Variants in DNAH2 observed in about 807,000 individuals in gnomAD.
DNAH2 encodes the protein dynein axonemal heavy chain 2, also known as axonemal beta dynein heavy chain 2.
In DNAH2, 323 loss-of-function variants were observed where a neutral mutation model predicts 523.5. That is an observed-to-expected ratio of 0.62 (90% confidence interval 0.56 to 0.68). DNAH2 has a LOEUF of 0.68. Ranked by LOEUF, DNAH2 falls within the 30% of genes least tolerant of loss-of-function variation. The pLI is 0.00. For synonymous variants in DNAH2, 2,093 were observed against 2,177.4 expected, an observed-to-expected ratio of 0.96 and a Z score of 1.08; for missense variants, 4,907 against 5,701.5, an observed-to-expected ratio of 0.86 and a Z score of 4.49.
At chr17:7,802,254 CTCTG>C (rs1374998997) in intron 58 of DNAH2, among the ~76,000 whole-genome samples, 1 of 152,222 alleles carries the variant, frequency 6.6e-6, no homozygotes, top group African/African-American at 2.4e-5. Flanking sequence ...CATGAAGTTT[CTCTG>C]TCTTTTTCTG....
rs774750190 is a variant in DNAH2 at position 7,759,850 on chromosome 17, C to A, written c.2697C>A (p.His899Gln). The A allele has an allele frequency of 1.2e-6, 2 of 1,614,220 alleles. No individual in the cohort carries two copies. The highest frequency in any genetic ancestry group is 3.3e-5 in the Admixed American group (2 of 60,014). The change falls in exon 17 of 86, where the codon CAC becomes CAA. Residue 899 changes from histidine (H) to glutamine (Q), a missense_variant. His to Gln is a conservative substitution (Grantham distance 24). Transcript: ENST00000572933. Reference sequence around the variant, plus strand: ...GTGTGGTCAATGACATTGGCAACCACCTCTTTTCCACCATCTCTGTCTTCT... The same window carrying A: ...GTGTGGTCAATGACATTGGCAACCAACTCTTTTCCACCATCTCTGTCTTCT... Reference protein sequence around the residue: ...LAGVVNDIGNHLFSTISVFCH... With the variant: ...LAGVVNDIGNQLFSTISVFCH...
rs2075337853 is a variant in DNAH2, at chr17:7,741,323, C to CTCTCTCCCTCCCTCCT, written c.1689+333_1689+334insTCTCCCTCCCTCCTTC. ...CTTCCTTCCCTCCCTCCCTCCCTCC[C>CTCTCTCCCTCCCTCCT]TCCTTCCTTCCTTCCTTCCTTCCTT... On this transcript the variant is annotated intron_variant, in intron 11 of 85. Coordinates refer to ENST00000572933, the MANE Select transcript of DNAH2 (RefSeq NM_020877.5). 3.4e-5 allele frequency among the ~76,000 whole-genome samples: 2 copies of CTCTCTCCCTCCCTCCT among 59,308 alleles called. 1 individual carries two copies. Among genetic ancestry groups the CTCTCTCCCTCCCTCCT allele is most frequent in the Non-Finnish European group, 5.8e-5 (2 of 34,624 alleles). 38.9% of individuals were successfully genotyped at this position (59,308 alleles called of 152,430 possible).
At chr17:7,743,378 A>C (rs1464138273) in intron 12 of DNAH2, 2 of 707,268 alleles carry the variant, frequency 2.8e-6, no homozygotes. Context: ...AAACAAAACA[A>C]TGATCGGCCA....
intron 36 of DNAH2, 123 bp downstream of exon 36, chr17:7,779,546 A>G: frequency 9.4e-7 from 1 of 1,062,666 alleles, no homozygotes; most frequent in South Asian, 1.6e-5. Context: ...AAGTCTGGCT[A>G]AAGATAGCAA....
Position 7,734,590 on chromosome 17 carries a change from A to G in DNAH2, c.860A>G (p.Asp287Gly). 6.2e-7 allele frequency: 1 copy of G among 1,613,624 alleles called. No homozygotes were observed. The highest frequency in any genetic ancestry group is 8.5e-7 in the Non-Finnish European group (1 of 1,179,948). ...EIEFWRNRCM[D>G]LSGISKQLVK... Reference sequence around the variant, plus strand: ...GAGTTCTGGCGCAACCGATGCATGGACCTGTCTGGCATCAGTAAGCAGCTG... The same window carrying G: ...GAGTTCTGGCGCAACCGATGCATGGGCCTGTCTGGCATCAGTAAGCAGCTG... Residue 287 changes from aspartate (D) to glycine (G), a missense_variant, in exon 7 of 86, where the codon GAC becomes GGC. Physicochemically the swap from Asp to Gly is moderately conservative, Grantham distance 94. Around this residue, in one of 3 missense-constraint regions of DNAH2, gnomAD observed 2,806 missense variants for 3,190.8 expected, o/e 0.88. Coordinates refer to ENST00000572933, the MANE Select transcript of DNAH2 (RefSeq NM_020877.5).
chr17:7,828,591 C>A lies in DNAH2; in HGVS notation c.11854-1709C>A, dbSNP rs529814943. ...ATTTATTATTTATTTTAATAAAATT[C>A]TGTAATGTTCTTTTTTTATTTTTTA... is the stretch of plus-strand genomic sequence containing the variant. On this transcript the variant is annotated intron_variant, in intron 77 of 85. Transcript: ENST00000572933. The surrounding 1 kb of genome is among the most constrained non-coding windows in gnomAD (Gnocchi z 4.1). 1.9e-3 allele frequency among the ~76,000 whole-genome samples: 292 copies of A among 152,106 alleles called. 6 individuals are homozygous for A. The highest frequency in any genetic ancestry group is 6.7e-3 in the African/African-American group (278 of 41,456).
chr17:7,775,083 T>C, intron 29 of DNAH2, 107 bp downstream of exon 29: 1 of 1,285,344 alleles, frequency 7.8e-7, no homozygotes, highest in Middle Eastern at 2.8e-4. Context: ...GCCATGTTAA[T>C]TAATGATTCT....
intron 55 of DNAH2, 67 bp from the exon 56 acceptor site, chr17:7,799,036 A>G: frequency 6.3e-7 from 1 of 1,584,256 alleles, no homozygotes; most frequent in Non-Finnish European, 8.6e-7. Flanking sequence ...GCCCCACCTG[A>G]CCCGCTGCCC....
rs1449380520 is a variant in DNAH2 at position 7,798,009 on chromosome 17, T to C, written c.8231-148T>C. 15 of 1,352,906 alleles carry C rather than the reference T, an allele frequency of 1.1e-5. No individual in the cohort carries two copies. Among genetic ancestry groups the C allele is most frequent in the African/African-American group, 1.5e-5 (1 of 68,334 alleles). 83.8% of individuals were successfully genotyped at this position (1,352,906 alleles called of 1,614,324 possible). Reference sequence around the variant, plus strand: ...AGAAGGTGGAGGTTAAAAGTTGAATTGCCTCCTGGGCCTTGGGCACCAACT... The same window carrying C: ...AGAAGGTGGAGGTTAAAAGTTGAATCGCCTCCTGGGCCTTGGGCACCAACT... On this transcript the variant is annotated intron_variant, in intron 53 of 85. Transcript: ENST00000572933. This position sits in a 1 kb window ranked among gnomAD's most constrained non-coding sequence, Gnocchi z 5.5.
Position 7,830,788 on chromosome 17 carries a change from C to A in DNAH2, c.12176C>A (p.Thr4059Asn). 1 of 1,614,128 alleles carries A rather than the reference C, an allele frequency of 6.2e-7. No homozygotes were observed. The highest frequency in any genetic ancestry group is 8.5e-7 in the Non-Finnish European group (1 of 1,180,046). The change falls in exon 79 of 86, where the codon ACC becomes AAC. Residue 4059 changes from threonine (T) to asparagine (N), a missense_variant. Physicochemically the swap from Thr to Asn is moderately conservative, Grantham distance 65. Transcript: ENST00000572933. ...VTDDWDRRLL[T>N]TYINDYFCDQ... is the part of the protein sequence containing the mutation. ...GATGACTGGGACCGGCGCCTGCTGA[C>A]CACCTACATCAATGATTATTTCTGT...
Position 7,774,789 on chromosome 17 carries a change from C to A in DNAH2, c.4532C>A (p.Thr1511Lys), listed in dbSNP as rs2076404297. ...CTGGACACATTGATAGAAATGAATA[C>A]AATCCTGGAAGATATTCAGAAATCT... Reference protein sequence around the residue: ...GLLDTLIEMNTILEDIQKSLD... With the variant: ...GLLDTLIEMNKILEDIQKSLD... Residue 1511 changes from threonine (T) to lysine (K), a missense_variant, in exon 29 of 86, where the codon ACA (threonine) becomes AAA (lysine). Thr to Lys is a moderately conservative substitution (Grantham distance 78). This residue lies in a region of DNAH2 where 2,806 missense variants were observed against 3,190.8 expected (regional missense o/e 0.88). Coordinates refer to ENST00000572933, the MANE Select transcript of DNAH2 (RefSeq NM_020877.5). 1 of 1,614,062 alleles carries A rather than the reference C, an allele frequency of 6.2e-7. No homozygotes were observed. The highest frequency in any genetic ancestry group is 8.5e-7 in the Non-Finnish European group (1 of 1,180,032).
rs1368139117 is a variant in DNAH2, at chr17:7,804,371, G to A, written c.9088G>A (p.Asp3030Asn). ...KVQVMSLELEDAKKKVAEFQK... is the reference protein window; with the variant it reads ...KVQVMSLELENAKKKVAEFQK... ...GCAAGTGATGTCGTTGGAGCTGGAG[G>A]ATGCCAAGAAGAAGGTGGCTGAGTT... is the stretch of plus-strand genomic sequence containing the variant. Residue 3030 changes from aspartate (D) to asparagine (N), a missense_variant, in exon 59 of 86, where the codon GAT becomes AAT. Coordinates refer to ENST00000572933, the MANE Select transcript of DNAH2 (RefSeq NM_020877.5). 3 of 1,614,172 alleles carry A rather than the reference G, an allele frequency of 1.9e-6. No homozygotes were observed. In the Admixed American group the frequency reaches 5.0e-5, roughly 27 times the overall value.
intron 39 of DNAH2, among the ~76,000 whole-genome samples, chr17:7,785,768 G>T (rs954095878): frequency 6.6e-6 from 1 of 152,234 alleles, no homozygotes; most frequent in African/African-American, 2.4e-5. Flanking sequence ...GTGGCAACCA[G>T]CACAGTGCTT....
In DNAH2 at chr17:7,754,941, T is replaced by TA. The variant is rs2151186215; in HGVS notation, c.1905-2149dup. 4.4e-6 allele frequency: 2 copies of TA among 449,576 alleles called. No individual in the cohort carries two copies. The highest frequency in any genetic ancestry group is 6.8e-5 in the East Asian group (2 of 29,522). 27.8% of individuals were successfully genotyped at this position (449,576 alleles called of 1,614,324 possible). On this transcript the variant is annotated intron_variant, in intron 12 of 85. Coordinates refer to ENST00000572933, the MANE Select transcript of DNAH2 (RefSeq NM_020877.5). The surrounding 1 kb of genome is among the most constrained non-coding windows in gnomAD (Gnocchi z 4.6). ...GCATGGGGCTGGGGTCCTCCTGCGC[T>TA]ATTGGTACAAATAAGCCTGAGGCAG...
At chr17:7,812,161 C>G (rs564375283) in intron 63 of DNAH2, among the ~76,000 whole-genome samples, 9 of 152,216 alleles carry the variant, frequency 5.9e-5, no homozygotes, top group African/African-American at 2.2e-4. Context: ...TTAAATTTAA[C>G]TAGGAGAAAT....
intron 4 of DNAH2, among the ~76,000 whole-genome samples, chr17:7,730,989 GCA>G (rs2074967520): frequency 2.0e-5 from 3 of 151,276 alleles, no homozygotes; most frequent in Admixed American, 1.3e-4. Flanking sequence ...GTGGCGGTGT[GCA>G]CCTGTAATCC....
Position 7,786,838 on chromosome 17 carries a change from G to A in DNAH2, c.6467-59G>A, listed in dbSNP as rs2076750125. 1.9e-6 allele frequency: 3 copies of A among 1,611,190 alleles called. No individual in the cohort carries two copies. The highest frequency in any genetic ancestry group is 2.5e-6 in the Non-Finnish European group (3 of 1,177,700). ...GTAGGCTTGTGTCTCCGAGGAGCGT[G>A]AGCGGAGGGTGCAAGGTGAGCGGCT... On this transcript the variant is annotated intron_variant, in intron 41 of 85. Transcript: ENST00000572933. The surrounding 1 kb of genome is among the most constrained non-coding windows in gnomAD (Gnocchi z 7.5).
chr17:7,753,146 T>C (rs1002285293), intron 12 of DNAH2, among the ~76,000 whole-genome samples: 5 of 152,134 alleles, frequency 3.3e-5, no homozygotes, highest in African/African-American at 9.6e-5. Context: ...CAGAAGGAGG[T>C]TGGATGTCGG....
intron 5 of DNAH2, 98 bp from the exon 6 acceptor site, chr17:7,734,085 A>G (rs1321117247): frequency 9.7e-7 from 1 of 1,032,992 alleles, no homozygotes; most frequent in East Asian, 2.6e-5. Context: ...TGAAATGCAT[A>G]TGCTTCCTGG....
Sources: allele counts gnomAD v4.1 joint callset (sites outside exome capture counted in the v4.1 genomes callset), GRCh38; gene constraint gnomAD v4.1.1; regional missense constraint gnomAD v4.1.1; non-coding constraint Gnocchi (gnomAD v3.1); transcripts MANE v1.5; gene names NCBI Gene and HGNC (gene_info 2026-07-23, HGNC 2026-07-21).